The following PDLIM5 variants were observed in gnomAD, a reference collection of about 807,000 sequenced individuals.
PDLIM5 encodes the protein PDZ and LIM domain 5, also known as PDZ and LIM domain protein 5.
Under a neutral mutation model 64.2 loss-of-function variants are expected in PDLIM5, and 34 were observed. The ratio of observed to expected loss-of-function variants is 0.53; its 90% CI spans 0.40 to 0.71. The LOEUF is 0.71. Ranked by LOEUF, PDLIM5 falls within the 30% of genes least tolerant of loss-of-function variation. The pLI, the probability that PDLIM5 is intolerant of heterozygous loss-of-function variation, is 0.00. For synonymous variants in PDLIM5, 253 were observed against 269.1 expected, an observed-to-expected ratio of 0.94 and a Z score of 0.59; for missense variants, 683 against 733.6, an observed-to-expected ratio of 0.93 and a Z score of 0.80.
intron 2 of PDLIM5, chr4:94,456,311 G>T (rs1723354254): frequency 1.9e-6 from 1 of 535,740 alleles, no homozygotes; most frequent in Non-Finnish European, 3.3e-6. Flanking sequence ...CGATTCTCCT[G>T]CCTCAGCCTC....
At chr4:94,653,474 G>C (rs1329298012) in intron 9 of PDLIM5, among the ~76,000 whole-genome samples, 1 of 152,112 alleles carries the variant, frequency 6.6e-6, no homozygotes, top group Non-Finnish European at 1.5e-5. Flanking sequence ...ACTAGATAAG[G>C]CTTCATAATG....
At chr4:94,561,702 G>T (rs1431879620) in intron 3 of PDLIM5, among the ~76,000 whole-genome samples, 1 of 152,078 alleles carries the variant, frequency 6.6e-6, no homozygotes, top group Non-Finnish European at 1.5e-5. Context: ...TCAGATTAGA[G>T]GTTATGTTTT....
At chr4:94,594,985 T>TG (rs1408499120) in intron 7 of PDLIM5, among the ~76,000 whole-genome samples, 2 of 152,108 alleles carry the variant, frequency 1.3e-5, no homozygotes, top group African/African-American at 2.4e-5. Context: ...ACAGGAATCA[T>TG]GGGTGGGAGT....
chr4:94,600,470 A>G (rs979821478), intron 7 of PDLIM5, among the ~76,000 whole-genome samples: 1 of 152,126 alleles, frequency 6.6e-6, no homozygotes, highest in African/African-American at 2.4e-5. Flanking sequence ...ATTCTTTTAT[A>G]TTTTCAAACA....
intron 9 of PDLIM5, among the ~76,000 whole-genome samples, chr4:94,644,108 A>G (rs535155097): frequency 5.4e-4 from 82 of 152,314 alleles, no homozygotes; most frequent in African/African-American, 1.9e-3. Context: ...ATATAATGTA[A>G]TTTTCAGATA....
rs116133441 is a variant in PDLIM5, at chr4:94,606,206, A to G, written c.921-11798A>G. Among the ~76,000 whole-genome samples, 643 of 152,348 alleles carry G rather than the reference A, an allele frequency of 4.2e-3. 3 individuals are homozygous for G. The highest frequency in any genetic ancestry group is 7.2e-3 in the Non-Finnish European group (489 of 68,030). On this transcript the variant is annotated intron_variant, in intron 7 of 12. Transcript: ENST00000317968. ...TTACACTTCATGTATATCAGTAACT[A>G]TTGGTATCAGGGAGCTTCTAGTCTT...
chr4:94,524,368 C>CAAA (rs34215993), intron 3 of PDLIM5, among the ~76,000 whole-genome samples: 30 of 77,194 alleles, frequency 3.9e-4, no homozygotes, highest in African/African-American at 7.8e-4. Context: ...GACCCTGTCT[C>CAAA]AAAAAAAAAA....
intron 2 of PDLIM5, among the ~76,000 whole-genome samples, chr4:94,503,681 A>T (rs1728133378): frequency 6.6e-6 from 1 of 152,174 alleles, no homozygotes; most frequent in South Asian, 2.1e-4. Flanking sequence ...AAACCCAAAC[A>T]TCTGATTTAT....
At chr4:94,554,392 A>G (rs997940995) in intron 3 of PDLIM5, among the ~76,000 whole-genome samples, 10 of 152,206 alleles carry the variant, frequency 6.6e-5, no homozygotes, top group Non-Finnish European at 1.5e-4. Context: ...TTTAGAGAAA[A>G]CAAGCATATT....
chr4:94,489,290 G>C (rs1726640907), intron 2 of PDLIM5, among the ~76,000 whole-genome samples: 1 of 152,082 alleles, frequency 6.6e-6, no homozygotes, highest in Non-Finnish European at 1.5e-5. Flanking sequence ...AACTTTACAG[G>C]GTGTGGGAAT....
At chr4:94,497,758 G>A (rs758021102) in intron 2 of PDLIM5, among the ~76,000 whole-genome samples, 3 of 152,154 alleles carry the variant, frequency 2.0e-5, no homozygotes, top group Non-Finnish European at 2.9e-5. Context: ...TTGCCCATTA[G>A]AATGTATATC....
intron 2 of PDLIM5, among the ~76,000 whole-genome samples, chr4:94,484,363 A>G (rs996276032): frequency 4.6e-5 from 7 of 152,178 alleles, no homozygotes; most frequent in African/African-American, 1.7e-4. Flanking sequence ...AGTTTTAAAA[A>G]ATTTGTGAGG....
At chr4:94,606,615 A>AG (rs1737946580) in intron 7 of PDLIM5, among the ~76,000 whole-genome samples, 1 of 152,220 alleles carries the variant, frequency 6.6e-6, no homozygotes, top group Non-Finnish European at 1.5e-5. Context: ...CACCTAGAGC[A>AG]GGGCTGGAAG....
At chr4:94,522,392 A>G (rs1307495890) in intron 2 of PDLIM5, among the ~76,000 whole-genome samples, 1 of 151,802 alleles carries the variant, frequency 6.6e-6, no homozygotes, top group Non-Finnish European at 1.5e-5. Flanking sequence ...TTATTTTTTG[A>G]GGGGATGGAG....
chr4:94,644,175 C>T (rs1578530786), intron 9 of PDLIM5, among the ~76,000 whole-genome samples: 2 of 152,136 alleles, frequency 1.3e-5, no homozygotes, highest in South Asian at 4.2e-4. Context: ...AAGAATTTTG[C>T]CTGAATTTTC....
At chr4:94,554,370 A>C (rs1380224135) in intron 3 of PDLIM5, among the ~76,000 whole-genome samples, 1 of 152,204 alleles carries the variant, frequency 6.6e-6, no homozygotes, top group Non-Finnish European at 1.5e-5. Flanking sequence ...AAAAAAAGAA[A>C]CTCATCTGCC....
chr4:94,522,552 T>A (rs1378590931), intron 2 of PDLIM5, among the ~76,000 whole-genome samples: 1 of 152,114 alleles, frequency 6.6e-6, no homozygotes, highest in Non-Finnish European at 1.5e-5. Context: ...ATTTTTGTAT[T>A]TTTGGTAGAG....
chr4:94,502,141 G>A (rs943418524), intron 2 of PDLIM5, among the ~76,000 whole-genome samples: 3 of 151,938 alleles, frequency 2.0e-5, no homozygotes, highest in Non-Finnish European at 2.9e-5. Context: ...TTGTGACTGA[G>A]GAAATTTGTT....
At chr4:94,624,124 A>G (rs1739470712) in intron 8 of PDLIM5, among the ~76,000 whole-genome samples, 1 of 151,718 alleles carries the variant, frequency 6.6e-6, no homozygotes, top group Non-Finnish European at 1.5e-5. Flanking sequence ...AGCCTGGGCA[A>G]CATAGCGGGA....
Sources: allele counts gnomAD v4.1 joint callset (sites outside exome capture counted in the v4.1 genomes callset), GRCh38; gene constraint gnomAD v4.1.1; transcripts MANE v1.5; gene names NCBI Gene and HGNC (gene_info 2026-07-23, HGNC 2026-07-21).